The following UBE3A variants were observed in gnomAD, a reference collection of about 807,000 sequenced individuals.
UBE3A encodes the protein ubiquitin protein ligase E3A.
A neutral mutation model predicts 83.4 loss-of-function variants in UBE3A; 6 were observed. That is an observed-to-expected ratio of 0.07 (90% confidence interval 0.04 to 0.14). UBE3A has a LOEUF of 0.14. UBE3A is among the 10% of genes least tolerant of loss of function. UBE3A has a pLI of 1.00. For synonymous variants in UBE3A, 337 were observed against 355.4 expected (o/e 0.95, Z 0.58); for missense variants, 456 against 1,036.1 (o/e 0.44, Z 7.69).
At chr15:25,388,266 T>C (rs138054528) in intron 4 of UBE3A, among the ~76,000 whole-genome samples, 1 of 152,330 alleles carries the variant, frequency 6.6e-6, no homozygotes, top group African/African-American at 2.4e-5. Context: ...AAAAGAAGTA[T>C]ACACCAGCAC....
chr15:25,374,649 T>C (rs2080886573), intron 5 of UBE3A: 1 of 152,202 alleles, frequency 6.6e-6, no homozygotes, highest in East Asian at 1.9e-4. Context: ...ATTCAAATGA[T>C]GTTAGTGAAA....
In UBE3A at chr15:25,405,516, T is replaced by C. The variant is rs1397106562; in HGVS notation, c.21-14A>G. The stretch of plus-strand genomic sequence containing the variant: ...GGTTCTCCTGATCTGTAAAATGCAA[T>C]TGAGAAACAGTTAGCAAAATATTCC... On this transcript the variant is annotated splice_polypyrimidine_tract_variant and intron_variant, in intron 3 of 12. Transcript: ENST00000648336. The C allele has an allele frequency of 3.7e-6, 6 of 1,613,580 alleles. No individual in the cohort carries two copies. Among genetic ancestry groups the C allele is most frequent in the Admixed American group, 1.7e-5 (1 of 59,980 alleles).
chr15:25,375,852 A>G, intron 4 of UBE3A, 89 bp from the exon 5 acceptor site: 2 of 1,470,174 alleles, frequency 1.4e-6, no homozygotes, highest in South Asian at 2.3e-5. Context: ...AAGTTAGTCA[A>G]GCACTGAAGT....
chr15:25,398,966 A>ATACT (rs2086431572), intron 4 of UBE3A, among the ~76,000 whole-genome samples: 1 of 151,268 alleles, frequency 6.6e-6, no homozygotes, highest in East Asian at 1.9e-4. Flanking sequence ...AATCCTCATC[A>ATACT]TACTTTAATA....
intron 4 of UBE3A, among the ~76,000 whole-genome samples, chr15:25,395,962 T>C (rs916196100): frequency 1.3e-5 from 2 of 152,236 alleles, no homozygotes; most frequent in African/African-American, 2.4e-5. Context: ...CCCAGCGCTC[T>C]GGAAGGCCGA....
chr15:25,371,494 T>A lies in UBE3A; in HGVS notation c.680A>T (p.Asp227Val). Reference protein sequence around the residue: ...GDNNLQKLGPDDVSVDIDAIR... With the variant: ...GDNNLQKLGPVDVSVDIDAIR... Reference sequence around the variant, plus strand: ...GGCATCAATATCCACAGACACATCATCAGGGCCTAATTTTTGCAAATTGTT... The same window carrying A: ...GGCATCAATATCCACAGACACATCAACAGGGCCTAATTTTTGCAAATTGTT... The change falls in exon 6 of 13, where the codon GAT becomes GTT. Residue 227 changes from aspartate to valine, a missense_variant. Physicochemically the swap from Asp to Val is radical, Grantham distance 152. Coordinates refer to ENST00000648336, the MANE Select transcript of UBE3A (RefSeq NM_130839.5). The surrounding 1 kb of genome is among the most constrained non-coding windows in gnomAD (Gnocchi z 5.3). 1.9e-6 allele frequency: 3 copies of A among 1,614,118 alleles called. No individual in the cohort carries two copies. The highest frequency in any genetic ancestry group is 2.5e-6 in the Non-Finnish European group (3 of 1,180,024).
chr15:25,385,923 T>C (rs1013281645), intron 4 of UBE3A, among the ~76,000 whole-genome samples: 2 of 152,160 alleles, frequency 1.3e-5, no homozygotes, highest in African/African-American at 4.8e-5. Context: ...ACAGTAAATA[T>C]AGGAGAAAAA....
rs2076937675 is a variant in UBE3A, at chr15:25,354,344, G to A, written c.2354+9C>T. On this transcript the variant is annotated intron_variant, in intron 11 of 12. Coordinates refer to ENST00000648336, the MANE Select transcript of UBE3A (RefSeq NM_130839.5). ...ATCAAATCTTCCTCTGAAGAACTAA[G>A]TACCTCACCTAATCAGAACAGAGTC... The A allele has an allele frequency of 6.2e-7, 1 of 1,612,150 alleles. No individual in the cohort carries two copies.
At chr15:25,418,728 G>T (rs961502131) in intron 1 of UBE3A, 2 of 152,064 alleles carry the variant, frequency 1.3e-5, no homozygotes, top group East Asian at 1.9e-4. Flanking sequence ...TCCAAAGATG[G>T]TCACAATAGA....
In UBE3A at chr15:25,340,156, T is replaced by G. The variant is rs1198880621; in HGVS notation, c.2427A>C (p.Thr809=). The G allele has an allele frequency of 6.2e-7, 1 of 1,614,130 alleles. No individual in the cohort carries two copies. ...CTAGTCCTCCCACAGGTGCTCTGTC[T>G]GTGCCCGTTGTAAACTGCAAGAAGA... ...KRLFLQFTTG[T]DRAPVGGLGK... Residue 809 remains threonine (T), a synonymous_variant, in exon 12 of 13, where the codon ACA becomes ACC. Transcript: ENST00000648336.
rs2076941135 is a variant in UBE3A, at chr15:25,354,367, G to C, written c.2340C>G (p.Asp780Glu). ...TTEYDGGYTR[D>E]SVLIREFWEI... Reference sequence around the variant, plus strand: ...AAGTACCTCACCTAATCAGAACAGAGTCCCTGGTATAGCCACCGTCATATT... The same window carrying C: ...AAGTACCTCACCTAATCAGAACAGACTCCCTGGTATAGCCACCGTCATATT... Residue 780 changes from aspartate to glutamate, a missense_variant, in exon 11 of 13, where the codon GAC (aspartate) becomes GAG (glutamate). Asp to Glu is a conservative substitution (Grantham distance 45). Around this residue, in one of 13 missense-constraint regions of UBE3A, gnomAD observed 82 missense variants for 199.3 expected, o/e 0.41. Coordinates refer to ENST00000648336, the MANE Select transcript of UBE3A (RefSeq NM_130839.5). The C allele has an allele frequency of 2.5e-6, 4 of 1,613,316 alleles. No homozygotes were observed. In the South Asian group the frequency reaches 3.3e-5, roughly 13 times the overall value.
chr15:25,356,476 TA>T (rs763239952), intron 8 of UBE3A, among the ~76,000 whole-genome samples: 20 of 152,206 alleles, frequency 1.3e-4, no homozygotes, highest in Non-Finnish European at 2.6e-4. Flanking sequence ...AAATCAATCT[TA>T]CAAAAGCTTC....
rs1436895833 is a variant in UBE3A at position 25,438,502 on chromosome 15, C to A, written c.-178G>T. ...GGCAACACTGACCTGTCGTCGCCCC[C>A]GCGCCTGGGCTGCGGCGGCCGCCTC... On this transcript the variant is annotated 5_prime_UTR_variant, in exon 1 of 13. Coordinates refer to ENST00000648336, the MANE Select transcript of UBE3A (RefSeq NM_130839.5). 6.6e-6 allele frequency: 1 copy of A among 152,336 alleles called. No homozygotes were observed. Among genetic ancestry groups the A allele is most frequent in the African/African-American group, 2.4e-5 (1 of 41,456 alleles). The allele number at this position is 152,336 out of a possible 1,614,324, so 9.4% of individuals were successfully genotyped here.
chr15:25,371,429 T>A lies in UBE3A; in HGVS notation c.745A>T (p.Ile249Phe). ...AGTGCATTGAGAAAGGCAGTTTCAA[T>A]TTTTTCATTAGAGAGCAATCTGGTG... is the stretch of plus-strand genomic sequence containing the variant. ...VYTRLLSNEK[I>F]ETAFLNALVY... The change falls in exon 6 of 13, where the codon ATT becomes TTT. Residue 249 changes from isoleucine to phenylalanine, a missense_variant. Physicochemically the swap from Ile to Phe is conservative, Grantham distance 21. Transcript: ENST00000648336. The surrounding 1 kb of genome is among the most constrained non-coding windows in gnomAD (Gnocchi z 5.3). The A allele has an allele frequency of 6.2e-7, 1 of 1,614,158 alleles. No homozygotes were observed. The highest frequency in any genetic ancestry group is 8.5e-7 in the Non-Finnish European group (1 of 1,180,032).
At chr15:25,375,357 T>C (rs2081037634) in intron 5 of UBE3A, 108 bp downstream of exon 5, 1 of 1,370,154 alleles carries the variant, frequency 7.3e-7, no homozygotes, top group Non-Finnish European at 9.9e-7. Flanking sequence ...TTCTACGATA[T>C]CAAAATGTCT....
intron 1 of UBE3A, among the ~76,000 whole-genome samples, chr15:25,434,155 A>C (rs186998113): frequency 6.6e-6 from 1 of 152,324 alleles, no homozygotes; most frequent in African/African-American, 2.4e-5. Context: ...CTTCTTTTTG[A>C]ATTATTATCC....
At chr15:25,381,613 T>C (rs1309361076) in intron 4 of UBE3A, among the ~76,000 whole-genome samples, 1 of 152,224 alleles carries the variant, frequency 6.6e-6, no homozygotes, top group African/African-American at 2.4e-5. Context: ...TAGAAACAAC[T>C]GAAGGCTTAT....
At chr15:25,362,529 A>C (rs1232511516) in intron 6 of UBE3A, among the ~76,000 whole-genome samples, 1 of 152,172 alleles carries the variant, frequency 6.6e-6, no homozygotes, top group Non-Finnish European at 1.5e-5. Context: ...TACCTTTTAA[A>C]ATAGTTTTGC....
chr15:25,362,239 C>T (rs889422883), intron 6 of UBE3A, among the ~76,000 whole-genome samples: 3 of 152,166 alleles, frequency 2.0e-5, no homozygotes, highest in Non-Finnish European at 4.4e-5. Context: ...CTTTAGGGTC[C>T]TATTCTGTGA....
Sources: allele counts gnomAD v4.1 joint callset (sites outside exome capture counted in the v4.1 genomes callset), GRCh38; gene constraint gnomAD v4.1.1; regional missense constraint gnomAD v4.1.1; non-coding constraint Gnocchi (gnomAD v3.1); transcripts MANE v1.5; gene names NCBI Gene and HGNC (gene_info 2026-07-23, HGNC 2026-07-21).